The following GREB1L variants were observed in gnomAD, a reference collection of about 807,000 sequenced individuals.
GREB1L encodes GREB1 like retinoic acid receptor coactivator.
A neutral mutation model predicts 200.8 loss-of-function variants in GREB1L; 17 were observed. The ratio of observed to expected loss-of-function variants is 0.08; its 90% CI spans 0.06 to 0.13. The LOEUF is 0.13. Among genes scored for constraint, GREB1L ranks in the 10% least tolerant of loss-of-function variants. The pLI, the probability that GREB1L is intolerant of heterozygous loss-of-function variation, is 1.00. For synonymous variants in GREB1L, 789 were observed against 893.0 expected (o/e 0.88, Z 2.08); for missense variants, 1,657 against 2,367.7 (o/e 0.70, Z 6.23).
chr18:21,408,832 A>T (rs1197591700), intron 7 of GREB1L, among the ~76,000 whole-genome samples: 1 of 151,260 alleles, frequency 6.6e-6, no homozygotes, highest in East Asian at 1.9e-4. Context: ...ATACTACTTC[A>T]CATCCTCTAG....
At chr18:21,277,003 G>C (rs866185937) in intron 1 of GREB1L, among the ~76,000 whole-genome samples, 2 of 141,908 alleles carry the variant, frequency 1.4e-5, no homozygotes, top group African/African-American at 5.3e-5. Context: ...ATCTTGGCTC[G>C]CTGTAAGCTC....
intron 1 of GREB1L, among the ~76,000 whole-genome samples, chr18:21,310,416 GA>G (rs2038772386): frequency 6.6e-6 from 1 of 152,172 alleles, no homozygotes. Flanking sequence ...TCTAAAAGAA[GA>G]AATGTAATGA....
In GREB1L at chr18:21,469,580, G is replaced by A. The variant is rs150367605; in HGVS notation, c.2183-3451G>A. Among the ~76,000 whole-genome samples the A allele has an allele frequency of 9.5e-4, 145 of 152,276 alleles. 1 individual carries two copies. Among genetic ancestry groups the A allele is most frequent in the African/African-American group, 3.3e-3 (136 of 41,552 alleles). On this transcript the variant is annotated intron_variant, in intron 15 of 32. Transcript: ENST00000424526. ...GGTATTTAGAAATGAAAATGTGGGC[G>A]TTAAGTGTGCCCATTGCTACTAGGA...
intron 1 of GREB1L, among the ~76,000 whole-genome samples, chr18:21,354,761 G>A (rs1330766149): frequency 6.6e-6 from 1 of 152,162 alleles, no homozygotes; most frequent in African/African-American, 2.4e-5. Context: ...GGGGTGGGTG[G>A]TATTTCAGGC....
chr18:21,465,095 T>A (rs1327900094), intron 15 of GREB1L, among the ~76,000 whole-genome samples: 3 of 152,198 alleles, frequency 2.0e-5, no homozygotes, highest in Non-Finnish European at 4.4e-5. Context: ...ATACTTATTA[T>A]TTGTTTGTGG....
intron 2 of GREB1L, among the ~76,000 whole-genome samples, chr18:21,376,724 G>A (rs1229620659): frequency 6.9e-6 from 1 of 145,142 alleles, no homozygotes; most frequent in Non-Finnish European, 1.5e-5. Flanking sequence ...AGAGTGGTGT[G>A]AATCCGGGAG....
At chr18:21,243,146 C>A (rs901383132) in intron 1 of GREB1L, among the ~76,000 whole-genome samples, 3 of 152,042 alleles carry the variant, frequency 2.0e-5, no homozygotes, top group African/African-American at 7.2e-5. Flanking sequence ...GAGTGAGGTG[C>A]GCCCTGGCCG....
intron 14 of GREB1L, among the ~76,000 whole-genome samples, chr18:21,453,790 G>A (rs2034633134): frequency 2.6e-5 from 4 of 152,132 alleles, no homozygotes; most frequent in Admixed American, 1.3e-4. Context: ...GGGAAGAAAG[G>A]TGAAGGTCGT....
intron 4 of GREB1L, 60 bp from the exon 5 acceptor site, chr18:21,395,325 T>A: frequency 7.9e-7 from 1 of 1,260,720 alleles, no homozygotes. Context: ...AAATGAGTGA[T>A]AAGAAGATAT....
At chr18:21,395,740 C>CT (rs2041029325) in intron 5 of GREB1L, among the ~76,000 whole-genome samples, 179 bp downstream of exon 5, 1 of 122,008 alleles carries the variant, frequency 8.2e-6, no homozygotes, top group African/African-American at 3.1e-5. Context: ...TTCTTTTTTT[C>CT]TTTTTTTGAG....
intron 1 of GREB1L, among the ~76,000 whole-genome samples, chr18:21,357,415 C>T (rs2039521080): frequency 6.6e-6 from 1 of 152,230 alleles, no homozygotes; most frequent in Non-Finnish European, 1.5e-5. Flanking sequence ...CAAGCATTTT[C>T]TCCTATCCTG....
rs1336513128 is a variant in GREB1L, at chr18:21,496,651, A to G, written c.3344A>G (p.Asp1115Gly). The change falls in exon 21 of 33, where the codon GAC becomes GGC. Residue 1115 changes from aspartate to glycine, a missense_variant. This residue lies in a region of GREB1L where 512 missense variants were observed against 668.3 expected (regional missense o/e 0.77). Coordinates refer to ENST00000424526, the MANE Select transcript of GREB1L (RefSeq NM_001142966.3). The stretch of plus-strand genomic sequence containing the variant: ...AATGACTCCGATGAGCTGCTCATCG[A>G]CCTGGAGCGGCCCCAGAGCAACAGC... ...SENDSDELLI[D>G]LERPQSNSSA... 3.9e-6 allele frequency: 6 copies of G among 1,551,428 alleles called. No homozygotes were observed. The highest frequency in any genetic ancestry group is 5.2e-6 in the Non-Finnish European group (6 of 1,146,922).
rs1165474319 is a variant in GREB1L, at chr18:21,477,287, C to A, written c.2487C>A (p.Tyr829Ter). 2 of 1,551,584 alleles carry A rather than the reference C, an allele frequency of 1.3e-6. No homozygotes were observed. The highest frequency in any genetic ancestry group is 2.7e-5 in the African/African-American group (2 of 73,042). The part of the protein sequence containing the change: ...LLVLQVSSFP[Y>*]TLQTQQSRIS... ...TGCTCCAGGTCAGCTCCTTCCCATACACTCTGCAGACCCAACAGTCCCGCA... is the reference window on the plus strand; with the variant it reads ...TGCTCCAGGTCAGCTCCTTCCCATAAACTCTGCAGACCCAACAGTCCCGCA... Residue 829 changes from tyrosine to a stop codon, truncating the protein, a stop_gained, in exon 17 of 33, where the codon TAC (tyrosine) becomes TAA (stop). Transcript: ENST00000424526. LOFTEE classifies it high-confidence loss of function.
chr18:21,416,809 T>C (rs1420887870), intron 7 of GREB1L, among the ~76,000 whole-genome samples: 1 of 151,970 alleles, frequency 6.6e-6, no homozygotes, highest in Non-Finnish European at 1.5e-5. Context: ...GCAGATCACT[T>C]GAGGTCAGGA....
chr18:21,271,787 A>G (rs1311316145), intron 1 of GREB1L, among the ~76,000 whole-genome samples: 1 of 152,132 alleles, frequency 6.6e-6, no homozygotes, highest in East Asian at 1.9e-4. Context: ...TTATCAGGGA[A>G]GGAAAACCTT....
At chr18:21,380,171 G>T (rs1461074255) in intron 2 of GREB1L, 2 of 152,034 alleles carry the variant, frequency 1.3e-5, no homozygotes, top group African/African-American at 2.4e-5. Flanking sequence ...GGAAATCATC[G>T]CATACTACGC....
intron 7 of GREB1L, among the ~76,000 whole-genome samples, chr18:21,418,606 C>T (rs1355746477): frequency 6.6e-6 from 1 of 152,106 alleles, no homozygotes; most frequent in Non-Finnish European, 1.5e-5. Context: ...TCACTGTGAC[C>T]TCCGCCTCCT....
At chr18:21,244,546 C>T (rs753442236) in intron 1 of GREB1L, among the ~76,000 whole-genome samples, 1 of 152,066 alleles carries the variant, frequency 6.6e-6, no homozygotes, top group Non-Finnish European at 1.5e-5. Flanking sequence ...TTTTAAGGGT[C>T]CTTCGAACTC....
rs36033923 is a variant in GREB1L at position 21,479,678 on chromosome 18, C to CAA, written c.2556+2336_2556+2337dup. Among the ~76,000 whole-genome samples, 4 of 126,288 alleles carry CAA rather than the reference C, an allele frequency of 3.2e-5. No individual in the cohort carries two copies. In the South Asian group the frequency reaches 7.5e-4, roughly 24 times the overall value. The allele number at this position is 126,288 out of a possible 152,430, so 82.8% of individuals were successfully genotyped here. On this transcript the variant is annotated intron_variant, in intron 17 of 32. Coordinates refer to ENST00000424526, the MANE Select transcript of GREB1L (RefSeq NM_001142966.3). ...TGAGAGACATAGCAAGACCCTGTCT[C>CAA]AAAAAAAAAAAAAAATCATTTTAAG...
Sources: gnomAD v4.1 joint callset for allele counts (sites outside exome capture counted in the v4.1 genomes callset) on GRCh38, gnomAD v4.1.1 for gene constraint, gnomAD v4.1.1 regional missense constraint, MANE v1.5 for transcripts, NCBI Gene and HGNC (gene_info 2026-07-23, HGNC 2026-07-21) for gene names.